The following DAD1 variants were observed in gnomAD, a reference collection of about 807,000 sequenced individuals.
DAD1 encodes dolichyl-diphosphooligosaccharide--protein glycosyltransferase subunit DAD1.
A neutral mutation model predicts 9.0 loss-of-function variants in DAD1; 4 were observed. The ratio of observed to expected loss-of-function variants is 0.44; its 90% confidence interval spans 0.22 to 1.01. The LOEUF (loss-of-function observed/expected upper bound fraction) is 1.01. Among genes scored for constraint, DAD1 ranks in the 50% least tolerant of loss-of-function variants. DAD1 has a pLI of 0.24. For synonymous variants in DAD1, 60 were observed against 62.5 expected (o/e 0.96, Z 0.19); for missense variants, 119 against 137.3 (o/e 0.87, Z 0.67).
chr14:22,574,140 T>C (rs1266509493), intron 2 of DAD1, among the ~76,000 whole-genome samples: 1 of 152,156 alleles, frequency 6.6e-6, no homozygotes, highest in Non-Finnish European at 1.5e-5. Context: ...GTAAGCTACA[T>C]GGGATACCGG....
intron 1 of DAD1, among the ~76,000 whole-genome samples, chr14:22,585,105 C>A (rs971405526): frequency 4.1e-4 from 62 of 152,332 alleles, no homozygotes; most frequent in African/African-American, 1.5e-3. Context: ...AAATGCTGGA[C>A]CCCAGTCCAC....
chr14:22,580,923 T>C (rs1012050630), intron 1 of DAD1, among the ~76,000 whole-genome samples: 8 of 152,016 alleles, frequency 5.3e-5, no homozygotes, highest in Non-Finnish European at 7.4e-5. Context: ...CTCAGATGCA[T>C]TGGAAACAAA....
intron 2 of DAD1, among the ~76,000 whole-genome samples, chr14:22,569,687 A>G (rs2139236188): frequency 6.6e-6 from 1 of 152,360 alleles, no homozygotes; most frequent in East Asian, 1.9e-4. Flanking sequence ...GCAGCAATGA[A>G]ATTCATAAAT....
chr14:22,573,270 C>A (rs539998022), intron 2 of DAD1, among the ~76,000 whole-genome samples: 1 of 151,858 alleles, frequency 6.6e-6, no homozygotes, highest in Non-Finnish European at 1.5e-5. Flanking sequence ...CCTCGCCTTC[C>A]GAAAGTGCTG....
intron 1 of DAD1, among the ~76,000 whole-genome samples, chr14:22,586,975 T>C (rs2037157063): frequency 6.6e-6 from 1 of 152,190 alleles, no homozygotes; most frequent in Non-Finnish European, 1.5e-5. Context: ...TAATCCCCCT[T>C]ATTGGCCCCA....
chr14:22,575,985 T>C (rs1334982770), intron 1 of DAD1, among the ~76,000 whole-genome samples: 4 of 151,980 alleles, frequency 2.6e-5, no homozygotes, highest in African/African-American at 9.7e-5. Context: ...GGGGAACAAA[T>C]GTACCCCCTC....
chr14:22,571,613 T>C (rs552421222), intron 2 of DAD1, among the ~76,000 whole-genome samples: 2 of 147,324 alleles, frequency 1.4e-5, no homozygotes, highest in South Asian at 4.2e-4. Flanking sequence ...GTAAGATTTC[T>C]AGCAAGGGGC....
At chr14:22,581,743 CAAAAAAAAAAAAA>C (rs59052046) in intron 1 of DAD1, among the ~76,000 whole-genome samples, 1 of 36,710 alleles carries the variant, frequency 2.7e-5, no homozygotes, top group African/African-American at 8.5e-5. Context: ...AACTCCATCT[CAAAAAAAAAAAAA>C]AAAAAAAAAA....
At chr14:22,581,581 A>G (rs1418296705) in intron 1 of DAD1, among the ~76,000 whole-genome samples, 3 of 135,870 alleles carry the variant, frequency 2.2e-5, no homozygotes, top group Non-Finnish European at 3.3e-5. Flanking sequence ...GTCTCTACTA[A>G]AAATACAAAA....
intron 1 of DAD1, among the ~76,000 whole-genome samples, chr14:22,587,155 T>C (rs1481423875): frequency 3.9e-5 from 6 of 152,200 alleles, no homozygotes; most frequent in Non-Finnish European, 5.9e-5. Flanking sequence ...TCTGGCTTTA[T>C]TACACTGATA....
intron 1 of DAD1, among the ~76,000 whole-genome samples, chr14:22,584,357 C>T (rs1009178505): frequency 1.3e-5 from 2 of 152,012 alleles, no homozygotes; most frequent in Admixed American, 1.3e-4. Flanking sequence ...CACACACACA[C>T]ATACAAGGTG....
chr14:22,565,246 C>T, intron 2 of DAD1, 109 bp from the exon 3 acceptor site: 1 of 622,454 alleles, frequency 1.6e-6, no homozygotes, highest in Non-Finnish European at 2.9e-6. Flanking sequence ...TTCCCACACT[C>T]AGGACAATAT....
At chr14:22,574,408 C>CA (rs932585620) in intron 2 of DAD1, among the ~76,000 whole-genome samples, 32 of 151,758 alleles carry the variant, frequency 2.1e-4, no homozygotes, top group African/African-American at 2.4e-5. Context: ...TTCTGTCCAT[C>CA]AAAAAAAACT....
At chr14:22,586,175 G>C (rs940758972) in intron 1 of DAD1, among the ~76,000 whole-genome samples, 2 of 151,176 alleles carry the variant, frequency 1.3e-5, no homozygotes, top group African/African-American at 4.9e-5. Flanking sequence ...ACTCCAGCCT[G>C]GGGGACAGAG....
intron 1 of DAD1, among the ~76,000 whole-genome samples, chr14:22,584,784 T>G (rs2037141411): frequency 6.6e-6 from 1 of 152,108 alleles, no homozygotes. Flanking sequence ...AAAAAAAAAG[T>G]TTTAATTTTA....
At chr14:22,580,152 T>C (rs1416463878) in intron 1 of DAD1, among the ~76,000 whole-genome samples, 1 of 151,956 alleles carries the variant, frequency 6.6e-6, no homozygotes, top group Non-Finnish European at 1.5e-5. Flanking sequence ...GCATGGTGGC[T>C]CACAACTGTA....
chr14:22,565,769 C>G (rs2139233800), intron 2 of DAD1, among the ~76,000 whole-genome samples: 1 of 152,140 alleles, frequency 6.6e-6, no homozygotes, highest in Middle Eastern at 3.4e-3. Flanking sequence ...GAGGTGGAAC[C>G]CTCACCACAA....
At chr14:22,570,881 GCCCAGTTCACCCTTCCTTCTGA>G (rs2037033815) in intron 2 of DAD1, among the ~76,000 whole-genome samples, 1 of 152,168 alleles carries the variant, frequency 6.6e-6, no homozygotes, top group African/African-American at 2.4e-5. Flanking sequence ...GTCCCTTTGG[GCCCAGTTCACCCTTCCTTCTGA>G]CCCAGGGCCC....
intron 1 of DAD1, among the ~76,000 whole-genome samples, chr14:22,588,197 T>C (rs1177758351): frequency 1.3e-5 from 2 of 152,230 alleles, no homozygotes; most frequent in Non-Finnish European, 2.9e-5. Context: ...AAACCATGAA[T>C]GCTGGCATGT....
Sources: allele counts gnomAD v4.1 joint callset (sites outside exome capture counted in the v4.1 genomes callset), GRCh38; gene constraint gnomAD v4.1.1; transcripts MANE v1.5; gene names NCBI Gene and HGNC (gene_info 2026-07-23, HGNC 2026-07-21).